The following UBR4 variants were observed in gnomAD, a reference collection of about 807,000 sequenced individuals.
UBR4 encodes ubiquitin protein ligase E3 component n-recognin 4.
UBR4 carries 124 observed loss-of-function variants against 575.6 expected under a neutral mutation model. The observed-to-expected ratio is 0.22, with a 90% CI of 0.19 to 0.25. The LOEUF (loss-of-function observed/expected upper bound fraction) is 0.25, where lower values mean the gene tolerates loss of function less well. UBR4 is among the 10% of genes least tolerant of loss of function. The pLI, the probability that UBR4 is intolerant of heterozygous loss-of-function variation, is 1.00. For missense variants in UBR4, 4,818 were observed against 6,478.8 expected, an observed-to-expected ratio of 0.74 and a Z score of 8.80; for synonymous variants, 2,455 against 2,473.7, an observed-to-expected ratio of 0.99 and a Z score of 0.22.
intron 8 of UBR4, among the ~76,000 whole-genome samples, chr1:19,196,650 T>C (rs1008718744): frequency 6.6e-6 from 1 of 152,248 alleles, no homozygotes; most frequent in South Asian, 2.1e-4. Context: ...CATTTATCAG[T>C]ATAAACAGAT....
chr1:19,168,258 C>A, intron 27 of UBR4, 74 bp from the exon 28 acceptor site: 2 of 1,384,466 alleles, frequency 1.4e-6, no homozygotes. Flanking sequence ...GAAAAAAAAA[C>A]TGACATAAAC....
chr1:19,106,314 A>G (rs2079191323), intron 83 of UBR4, among the ~76,000 whole-genome samples: 1 of 152,190 alleles, frequency 6.6e-6, no homozygotes, highest in Admixed American at 6.5e-5. Flanking sequence ...AAAAGGGACT[A>G]TGGTCAGGGA....
chr1:19,136,627 A>T (rs1321633736), intron 60 of UBR4, among the ~76,000 whole-genome samples: 1 of 152,214 alleles, frequency 6.6e-6, no homozygotes, highest in Non-Finnish European at 1.5e-5. Flanking sequence ...AAGTAATAAC[A>T]TACATCCATT....
chr1:19,153,380 G>A lies in UBR4; in HGVS notation c.6753C>T (p.Tyr2251=), dbSNP rs765383305. 5.0e-6 allele frequency: 8 copies of A among 1,614,206 alleles called. No homozygotes were observed. Among genetic ancestry groups the A allele is most frequent in the Non-Finnish European group, 5.9e-6 (7 of 1,180,022 alleles). ...IYMANVENTS[Y]WLQPSLQPSS... is the part of the protein sequence containing the mutation. ...TGGGCTGCAGGGATGGCTGCAGCCA[G>A]TAGGAGGTGTTCTCCACGTTGGCCA... The change falls in exon 46 of 106, where the codon TAC becomes TAT. Residue 2251 remains tyrosine, a synonymous_variant. Coordinates refer to ENST00000375254, the MANE Select transcript of UBR4 (RefSeq NM_020765.3). This position sits in a 1 kb window ranked among gnomAD's most constrained non-coding sequence, Gnocchi z 4.1.
Position 19,087,804 on chromosome 1 carries a change from C to G in UBR4, c.14544+12G>C, listed in dbSNP as rs2077164762. 6.2e-7 allele frequency: 1 copy of G among 1,604,008 alleles called. No individual in the cohort carries two copies. Among genetic ancestry groups the G allele is most frequent in the South Asian group, 1.1e-5 (1 of 89,726 alleles). On this transcript the variant is annotated intron_variant, in intron 99 of 105. Transcript: ENST00000375254. Reference sequence around the variant, plus strand: ...GGGCCCTCAGGACCGACCGTAGGCCCAGCAGCTGTACCTGGAACTTGTATC... The same window carrying G: ...GGGCCCTCAGGACCGACCGTAGGCCGAGCAGCTGTACCTGGAACTTGTATC...
intron 65 of UBR4, among the ~76,000 whole-genome samples, chr1:19,123,497 C>T (rs2149520403): frequency 6.7e-6 from 1 of 149,958 alleles, no homozygotes; most frequent in Non-Finnish European, 1.5e-5. Context: ...ACAAACCAAG[C>T]TATTTCCTCT....
intron 60 of UBR4, among the ~76,000 whole-genome samples, chr1:19,133,177 A>G (rs2082735883): frequency 6.6e-6 from 1 of 152,216 alleles, no homozygotes; most frequent in Non-Finnish European, 1.5e-5. Context: ...AGCCTAAACT[A>G]AAAATTAGCA....
chr1:19,152,223 T>C lies in UBR4; in HGVS notation c.6996+90A>G. Reference sequence around the variant, plus strand: ...GTTGTGACTGTGAGTATATACTCTATACTTGCTTTCTAAAAGGAGATGTGT... The same window carrying C: ...GTTGTGACTGTGAGTATATACTCTACACTTGCTTTCTAAAAGGAGATGTGT... On this transcript the variant is annotated intron_variant, in intron 47 of 105. Coordinates refer to ENST00000375254, the MANE Select transcript of UBR4 (RefSeq NM_020765.3). The surrounding 1 kb of genome is among the most constrained non-coding windows in gnomAD (Gnocchi z 4.4). The C allele has an allele frequency of 2.0e-6, 3 of 1,536,098 alleles. No individual in the cohort carries two copies. Among genetic ancestry groups the C allele is most frequent in the Non-Finnish European group, 2.7e-6 (3 of 1,123,644 alleles).
chr1:19,088,370 C>A lies in UBR4; in HGVS notation c.14430+389G>T, dbSNP rs1476696578. Among the ~76,000 whole-genome samples the A allele has an allele frequency of 2.6e-5, 4 of 152,192 alleles. No individual in the cohort carries two copies. Among genetic ancestry groups the A allele is most frequent in the Non-Finnish European group, 5.9e-5 (4 of 68,028 alleles). On this transcript the variant is annotated intron_variant, in intron 98 of 105. Coordinates refer to ENST00000375254, the MANE Select transcript of UBR4 (RefSeq NM_020765.3). This position sits in a 1 kb window ranked among gnomAD's most constrained non-coding sequence, Gnocchi z 4.0. Reference sequence around the variant, plus strand: ...CTCCAAGGTGGGACAGTTAGAAGAGCACAGAACCCTTTGTGTCAACCACTT... The same window carrying A: ...CTCCAAGGTGGGACAGTTAGAAGAGAACAGAACCCTTTGTGTCAACCACTT...
chr1:19,078,223 C>T, intron 103 of UBR4, 157 bp from the exon 104 acceptor site: 1 of 674,772 alleles, frequency 1.5e-6, no homozygotes, highest in African/African-American at 1.8e-5. Flanking sequence ...CAGCTGTGGG[C>T]AAGAACCTCT....
chr1:19,143,127 A>C (rs751511316), intron 55 of UBR4, among the ~76,000 whole-genome samples: 1 of 151,404 alleles, frequency 6.6e-6, no homozygotes, highest in Non-Finnish European at 1.5e-5. Context: ...AAGAGAAAAG[A>C]AAAAAAGAAA....
chr1:19,122,287 A>G (rs982197359), intron 66 of UBR4, among the ~76,000 whole-genome samples: 2 of 152,228 alleles, frequency 1.3e-5, no homozygotes, highest in Non-Finnish European at 2.9e-5. Context: ...CAATAAGGCA[A>G]CAGCAAAAGG....
chr1:19,122,929 G>C lies in UBR4; in HGVS notation c.9720C>G (p.Ile3240Met). The C allele has an allele frequency of 6.2e-7, 1 of 1,614,232 alleles. No homozygotes were observed. ...TCCCCTGCTCTTCTAGCAGCTTCTT[G>C]ATCCCACGCACGTGAGAGTCCAGGG... ...LHTLDSHVRG[I>M]KKLLEEQGIF... is the part of the protein sequence containing the mutation. The change falls in exon 66 of 106, where the codon ATC becomes ATG. Residue 3240 changes from isoleucine to methionine, a missense_variant. Ile to Met is a conservative substitution (Grantham distance 10). Around this residue, in one of 29 missense-constraint regions of UBR4, gnomAD observed 550 missense variants for 791.5 expected, o/e 0.69. Transcript: ENST00000375254.
chr1:19,199,436 C>G (rs2092637719), intron 3 of UBR4, among the ~76,000 whole-genome samples: 1 of 152,236 alleles, frequency 6.6e-6, no homozygotes, highest in Non-Finnish European at 1.5e-5. Context: ...ATAAAGTTTA[C>G]TGGAACACAG....
intron 104 of UBR4, among the ~76,000 whole-genome samples, chr1:19,077,572 A>G (rs1471949012): frequency 6.6e-6 from 1 of 152,226 alleles, no homozygotes; most frequent in Admixed American, 6.5e-5. Flanking sequence ...CATCTCTACT[A>G]AAAAAACAAA....
chr1:19,140,975 A>G (rs2083851074), intron 57 of UBR4, 83 bp from the exon 58 acceptor site: 4 of 1,410,638 alleles, frequency 2.8e-6, no homozygotes, highest in Non-Finnish European at 3.9e-6. Flanking sequence ...TGCCCTCAAG[A>G]GTCTCCAAAC....
At chr1:19,156,569 T>C in intron 41 of UBR4, 146 bp from the exon 42 acceptor site, 1 of 1,284,330 alleles carries the variant, frequency 7.8e-7, no homozygotes, top group Non-Finnish European at 1.1e-6. Flanking sequence ...TCAGGTTTCA[T>C]GAACACAAAG....
chr1:19,106,711 C>T lies in UBR4; in HGVS notation c.12251G>A (p.Gly4084Glu). The stretch of plus-strand genomic sequence containing the variant: ...GAGCTCTGATTTGCTGGGGGCTTTC[C>T]CATTGCCATCTATCCCTGCAAGGCC... ...CLPIRGIDGN[G>E]KAPSKSELRH... The change falls in exon 83 of 106, where the codon GGG becomes GAG. Residue 4084 changes from glycine to glutamate, a missense_variant. Around this residue, in one of 29 missense-constraint regions of UBR4, gnomAD observed 178 missense variants for 175.5 expected, o/e 1.01. Coordinates refer to ENST00000375254, the MANE Select transcript of UBR4 (RefSeq NM_020765.3). 1.2e-6 allele frequency: 2 copies of T among 1,600,262 alleles called. No individual in the cohort carries two copies. Among genetic ancestry groups the T allele is most frequent in the Non-Finnish European group, 1.7e-6 (2 of 1,172,432 alleles).
At chr1:19,177,210 G>A (rs1414048459) in intron 19 of UBR4, among the ~76,000 whole-genome samples, 2 of 152,134 alleles carry the variant, frequency 1.3e-5, no homozygotes, top group African/African-American at 2.4e-5. Context: ...AGGGCAATTC[G>A]TGGGAGAATG....
Sources: gnomAD v4.1 joint callset for allele counts (sites outside exome capture counted in the v4.1 genomes callset) on GRCh38, gnomAD v4.1.1 for gene constraint, gnomAD v4.1.1 regional missense constraint, Gnocchi (gnomAD v3.1) non-coding constraint, MANE v1.5 for transcripts, NCBI Gene and HGNC (gene_info 2026-07-23, HGNC 2026-07-21) for gene names.